The following LSP1 variants were observed in gnomAD, a reference collection of about 807,000 sequenced individuals.
The protein encoded by LSP1 is lymphocyte specific protein 1.
In LSP1, 32 loss-of-function variants were observed where a neutral mutation model predicts 49.3. The observed-to-expected ratio is 0.65, with a 90% CI of 0.49 to 0.87. LSP1 has a LOEUF of 0.87. LSP1 is among the 40% of genes least tolerant of loss of function. The probability of loss-of-function intolerance (pLI) is 0.00; values close to 1 mark genes in which losing one functional copy is unlikely to be tolerated. For synonymous variants in LSP1, 179 were observed against 178.8 expected, an observed-to-expected ratio of 1.00 and a Z score of -0.01; for missense variants, 428 against 442.6, an observed-to-expected ratio of 0.97 and a Z score of 0.30.
intron 1 of LSP1, chr11:1,868,535 TG>T: frequency 1.9e-6 from 1 of 526,950 alleles, no homozygotes; most frequent in Non-Finnish European, 2.4e-6. Context: ...GGGGCAGGAA[TG>T]GGCTGGCAGC....
chr11:1,869,496 A>T (rs899479548), intron 1 of LSP1: 1 of 390,200 alleles, frequency 2.6e-6, no homozygotes, highest in African/African-American at 2.1e-5. Context: ...GGAAGGGCAG[A>T]GGGAGGGGCT....
chr11:1,887,085 C>A (rs1176205994), intron 8 of LSP1, 152 bp from the exon 9 acceptor site: 23 of 889,356 alleles, frequency 2.6e-5, no homozygotes, highest in East Asian at 1.3e-4. Flanking sequence ...CCTTTCCCTG[C>A]CTCTTCCACT....
intron 1 of LSP1, among the ~76,000 whole-genome samples, chr11:1,872,509 C>A (rs2133086195): frequency 1.5e-5 from 2 of 131,482 alleles, no homozygotes; most frequent in Middle Eastern, 0.01. Flanking sequence ...GGTGGGCAGG[C>A]CTGGGCTGTA....
chr11:1,866,430 C>T (rs765529850), intron 1 of LSP1: 1 of 1,446,688 alleles, frequency 6.9e-7, no homozygotes, highest in Non-Finnish European at 9.1e-7. Flanking sequence ...CGGCTCACCC[C>T]TCCTCCCCAG....
intron 1 of LSP1, chr11:1,876,758 T>G: frequency 1.8e-6 from 1 of 563,262 alleles, no homozygotes; most frequent in Non-Finnish European, 2.3e-6. Context: ...AGGGCCAGCG[T>G]CCCGAGTCGG....
chr11:1,855,130 G>A (rs1216717036), intron 1 of LSP1, among the ~76,000 whole-genome samples: 1 of 152,196 alleles, frequency 6.6e-6, no homozygotes, highest in Non-Finnish European at 1.5e-5. Context: ...GAATTGCATG[G>A]GGTGCGCAGC....
At chr11:1,865,113 G>A (rs1215230708) in intron 1 of LSP1, 2 of 784,788 alleles carry the variant, frequency 2.5e-6, no homozygotes, top group African/African-American at 3.7e-5. Context: ...CAGCAGAGAG[G>A]AGGGCCAGCA....
In LSP1 at chr11:1,861,701, GGA is replaced by G. The variant is rs1229436356; in HGVS notation, c.53+8505_53+8506del. Among the ~76,000 whole-genome samples, 1,377 of 142,082 alleles carry G rather than the reference GGA, an allele frequency of 9.7e-3. 16 individuals are homozygous for G. Among genetic ancestry groups the G allele is most frequent in the African/African-American group, 0.033 (1,282 of 38,738 alleles). 93.2% of individuals were successfully genotyped at this position (142,082 alleles called of 152,430 possible). A position where few individuals can be genotyped will look rare whatever the true frequency, so the allele number is the denominator to read the frequency against. On this transcript the variant is annotated intron_variant, in intron 1 of 10. Transcript: ENST00000311604. The stretch of plus-strand genomic sequence containing the variant: ...TGGATGGGTGGATGGGTGGGTGGAT[GGA>G]TGGATGGATGGATGGATGGATGGAT...
At chr11:1,854,437 G>C (rs767688455) in intron 1 of LSP1, among the ~76,000 whole-genome samples, 5 of 152,218 alleles carry the variant, frequency 3.3e-5, no homozygotes, top group African/African-American at 7.2e-5. Flanking sequence ...CAAAGCTCCT[G>C]TGCTGTTGGT....
At position 1,884,151 on chromosome 11, in the gene LSP1, G is replaced by A. The variant is rs915673096; in HGVS notation, c.591+127G>A. On this transcript the variant is annotated intron_variant, in intron 5 of 10. Coordinates refer to ENST00000311604, the MANE Select transcript of LSP1 (RefSeq NM_002339.3). This position sits in a 1 kb window ranked among gnomAD's most constrained non-coding sequence, Gnocchi z 4.1. ...GGCTTTTGTCTGCTATCCCCCCATTGCCCGGTGCTCAGCGAACCCCCATGA... is the reference window on the plus strand; with the variant it reads ...GGCTTTTGTCTGCTATCCCCCCATTACCCGGTGCTCAGCGAACCCCCATGA... The A allele has an allele frequency of 9.8e-6, 14 of 1,425,250 alleles. No homozygotes were observed. Among genetic ancestry groups the A allele is most frequent in the Non-Finnish European group, 1.4e-5 (14 of 1,013,316 alleles). 88.3% of individuals were successfully genotyped at this position (1,425,250 alleles called of 1,614,324 possible). A position where few individuals can be genotyped will look rare whatever the true frequency, so the allele number is the denominator to read the frequency against.
At chr11:1,868,456 G>A (rs770922901) in intron 1 of LSP1, among the ~76,000 whole-genome samples, 20 of 152,220 alleles carry the variant, frequency 1.3e-4, no homozygotes, top group Admixed American at 7.8e-4. Context: ...GGGCTCTAAG[G>A]CCCCTCAGGC....
At position 1,853,106 on chromosome 11, in the gene LSP1, G is replaced by A. The variant is rs750771319; in HGVS notation, c.-39G>A. 1 of 1,596,988 alleles carries A rather than the reference G, an allele frequency of 6.3e-7. No individual in the cohort carries two copies. The highest frequency in any genetic ancestry group is 1.3e-5 in the African/African-American group (1 of 74,942). The stretch of plus-strand genomic sequence containing the variant: ...GCCACAGCACGTACACCCACTCCAG[G>A]GATCTGCCAGCACCCTGTGGGGCCC... On this transcript the variant is annotated 5_prime_UTR_variant, in exon 1 of 11. Coordinates refer to ENST00000311604, the MANE Select transcript of LSP1 (RefSeq NM_002339.3).
chr11:1,886,913 G>A (rs1423936939), intron 8 of LSP1, 47 bp downstream of exon 8: 2 of 1,590,740 alleles, frequency 1.3e-6, no homozygotes, highest in African/African-American at 1.3e-5. Context: ...GCCAGCGCCT[G>A]GGAGTTTAGT....
intron 10 of LSP1, chr11:1,890,304 C>T (rs1377866335): frequency 1.7e-5 from 12 of 710,568 alleles, no homozygotes; most frequent in Middle Eastern, 2.3e-4. Flanking sequence ...TTCAGGAAGG[C>T]GTGGGGCTTC....
chr11:1,871,206 G>A lies in LSP1; in HGVS notation c.54-8881G>A, dbSNP rs972858303. ...ATATGCACAGCACGCAGAACAGGAG[G>A]AGGGGGGAAGAAAGAGCAGGCACGG... On this transcript the variant is annotated intron_variant, in intron 1 of 10. Coordinates refer to ENST00000311604, the MANE Select transcript of LSP1 (RefSeq NM_002339.3). The A allele has an allele frequency of 7.1e-6, 7 of 986,216 alleles. No homozygotes were observed. In the Admixed American group the frequency reaches 4.3e-4, roughly 61 times the overall value. The allele number at this position is 986,216 out of a possible 1,614,324, so 61.1% of individuals were successfully genotyped here. A position where few individuals can be genotyped will look rare whatever the true frequency, so the allele number is the denominator to read the frequency against.
intron 1 of LSP1, among the ~76,000 whole-genome samples, chr11:1,875,507 A>G (rs1226040366): frequency 6.6e-6 from 1 of 152,224 alleles, no homozygotes; most frequent in Non-Finnish European, 1.5e-5. Flanking sequence ...CACCCAGTCC[A>G]GCAAATCCCT....
intron 1 of LSP1, among the ~76,000 whole-genome samples, chr11:1,853,848 A>G (rs576437671): frequency 6.6e-6 from 1 of 152,296 alleles, no homozygotes; most frequent in Admixed American, 6.5e-5. Context: ...TAGGACTGCC[A>G]GAGCTGGGCA....
intron 1 of LSP1, among the ~76,000 whole-genome samples, chr11:1,871,968 GCA>G (rs1848036037): frequency 7.5e-6 from 1 of 133,582 alleles, no homozygotes; most frequent in Admixed American, 7.6e-5. Context: ...TCACCCTGGC[GCA>G]CGCTGGTAGA....
At chr11:1,890,551 C>A in intron 10 of LSP1, 2 of 713,050 alleles carry the variant, frequency 2.8e-6, no homozygotes, top group Non-Finnish European at 5.2e-6. Flanking sequence ...GGGCCGCACA[C>A]CTCGGGTGCC....
Sources: gnomAD v4.1 joint callset for allele counts (sites outside exome capture counted in the v4.1 genomes callset) on GRCh38, gnomAD v4.1.1 for gene constraint, Gnocchi (gnomAD v3.1) non-coding constraint, MANE v1.5 for transcripts, NCBI Gene and HGNC (gene_info 2026-07-23, HGNC 2026-07-21) for gene names.